FAM118A: variants seen among roughly 807,000 people sequenced by gnomAD.
The protein encoded by FAM118A is SIR2 antiphage like 2.
In FAM118A, 25 loss-of-function variants were observed where a neutral mutation model predicts 38.2. The observed-to-expected ratio is 0.65, with a 90% CI of 0.48 to 0.91. The LOEUF (loss-of-function observed/expected upper bound fraction) is 0.91, where lower values mean the gene tolerates loss of function less well. FAM118A is among the 40% of genes least tolerant of loss of function. The pLI is 0.00. For synonymous variants in FAM118A, 178 were observed against 184.1 expected (o/e 0.97, Z 0.27); for missense variants, 425 against 463.3 (o/e 0.92, Z 0.76).
intron 3 of FAM118A, among the ~76,000 whole-genome samples, chr22:45,324,428 G>T (rs1199613813): frequency 6.6e-6 from 1 of 152,172 alleles, no homozygotes; most frequent in Non-Finnish European, 1.5e-5. Context: ...GAAGTGGGGG[G>T]CTTCAAGGGC....
At chr22:45,326,624 T>A (rs2085285820) in intron 3 of FAM118A, among the ~76,000 whole-genome samples, 3 of 151,700 alleles carry the variant, frequency 2.0e-5, no homozygotes. Flanking sequence ...GTCAGGAGTT[T>A]GAGACCAGCC....
Position 45,323,412 on chromosome 22 carries a change from C to G in FAM118A, c.285C>G (p.Ile95Met). The G allele has an allele frequency of 6.2e-7, 1 of 1,613,394 alleles. No homozygotes were observed. The highest frequency in any genetic ancestry group is 8.5e-7 in the Non-Finnish European group (1 of 1,179,412). ...RDLLVVAHDL[I>M]RKMSPRTGDA... The stretch of plus-strand genomic sequence containing the variant: ...TGTTGGTTGTCGCCCATGATCTGAT[C>G]CGGAAGATGTCACCTGTAAGTGTCA... The change falls in exon 3 of 9, where the codon ATC (isoleucine) becomes ATG (methionine). Residue 95 changes from isoleucine (I) to methionine (M), a missense_variant. Physicochemically the swap from Ile to Met is conservative, Grantham distance 10. Transcript: ENST00000441876.
chr22:45,322,009 A>T, intron 1 of FAM118A: 1 of 355,674 alleles, frequency 2.8e-6, no homozygotes, highest in South Asian at 2.4e-5. Context: ...CTGATAAGTC[A>T]TCTGTGTTCA....
At chr22:45,330,146 A>T (rs943998372) in intron 4 of FAM118A, among the ~76,000 whole-genome samples, 1 of 152,260 alleles carries the variant, frequency 6.6e-6, no homozygotes, top group Non-Finnish European at 1.5e-5. Flanking sequence ...CACTCTTAAC[A>T]GTTTGCTGTA....
intron 8 of FAM118A, among the ~76,000 whole-genome samples, chr22:45,337,567 C>T (rs970151740): frequency 6.6e-6 from 1 of 152,094 alleles, no homozygotes. Flanking sequence ...TAAATGTATG[C>T]ACTCCCTCAG....
At position 45,324,818 on chromosome 22, in the gene FAM118A, A is replaced by G. The variant is rs550438036; in HGVS notation, c.300+1391A>G. ...TCCCAGCACTTTGGGAGGCCGAGGC[A>G]GGCAGATCACCTGAGGTCAGGAGTT... On this transcript the variant is annotated intron_variant, in intron 3 of 8. Transcript: ENST00000441876. 8.3e-3 allele frequency among the ~76,000 whole-genome samples: 1,259 copies of G among 152,284 alleles called. 20 individuals carry two copies. The highest frequency in any genetic ancestry group is 0.029 in the African/African-American group (1,217 of 41,562).
chr22:45,335,260 C>G lies in FAM118A; in HGVS notation c.938-90C>G. On this transcript the variant is annotated intron_variant, in intron 6 of 8. Transcript: ENST00000441876. The stretch of plus-strand genomic sequence containing the variant: ...CCTGCCCAGAAGCCTGTTCCCAGTC[C>G]CTGCCGTTCCCAGTCACTGCCTCAG... 5 of 1,483,966 alleles carry G rather than the reference C, an allele frequency of 3.4e-6. No homozygotes were observed. The South Asian group carries it at 5.8e-5, about 17-fold the overall frequency. The allele number at this position is 1,483,966 out of a possible 1,614,324, so 91.9% of individuals were successfully genotyped here.
chr22:45,313,554 C>T (rs911968172), intron 1 of FAM118A, among the ~76,000 whole-genome samples: 2 of 152,082 alleles, frequency 1.3e-5, no homozygotes, highest in Admixed American at 1.3e-4. Context: ...AACTCCCAAC[C>T]TCAGGTGATC....
intron 6 of FAM118A, among the ~76,000 whole-genome samples, chr22:45,334,224 A>C (rs181714507): frequency 6.6e-6 from 1 of 152,324 alleles, no homozygotes; most frequent in Admixed American, 6.5e-5. Flanking sequence ...TAAGGGAATT[A>C]ATAGCTGCGA....
chr22:45,328,720 T>G (rs1225323198), intron 4 of FAM118A: 3 of 536,204 alleles, frequency 5.6e-6, no homozygotes, highest in Non-Finnish European at 1.0e-5. Flanking sequence ...AGGGAGATGG[T>G]TGCAGTGAGC....
At chr22:45,327,326 A>G (rs1394077307) in intron 3 of FAM118A, among the ~76,000 whole-genome samples, 1 of 151,716 alleles carries the variant, frequency 6.6e-6, no homozygotes, top group Non-Finnish European at 1.5e-5. Flanking sequence ...ACCGAGAAAG[A>G]GAAAACTGGG....
At chr22:45,333,254 C>A (rs563867195) in intron 6 of FAM118A, among the ~76,000 whole-genome samples, 77 of 152,186 alleles carry the variant, frequency 5.1e-4, no homozygotes, top group African/African-American at 1.6e-3. Flanking sequence ...GGCTGGGCAC[C>A]GTGGCTCACG....
chr22:45,334,336 C>T (rs115021408), intron 6 of FAM118A, among the ~76,000 whole-genome samples: 79 of 152,280 alleles, frequency 5.2e-4, no homozygotes, highest in African/African-American at 1.3e-3. Context: ...CACACTAGAA[C>T]GAGGTTAGCC....
At chr22:45,327,415 T>TCC (rs957671765) in intron 3 of FAM118A, among the ~76,000 whole-genome samples, 65 of 152,162 alleles carry the variant, frequency 4.3e-4, no homozygotes, top group Middle Eastern at 3.4e-3. Context: ...CTGCCGACTC[T>TCC]TCCCCTCACT....
At chr22:45,313,237 C>T (rs945446998) in intron 1 of FAM118A, among the ~76,000 whole-genome samples, 9 of 151,736 alleles carry the variant, frequency 5.9e-5, no homozygotes, top group African/African-American at 1.9e-4. Context: ...AGAAATTTCC[C>T]TCTGGTGACT....
intron 2 of FAM118A, among the ~76,000 whole-genome samples, chr22:45,322,799 T>G (rs192042391): frequency 6.6e-6 from 1 of 152,334 alleles, no homozygotes; most frequent in African/African-American, 2.4e-5. Flanking sequence ...AACCAGCATT[T>G]GCCAGTAACT....
intron 5 of FAM118A, among the ~76,000 whole-genome samples, chr22:45,331,997 C>T (rs1319742130): frequency 6.6e-6 from 1 of 152,168 alleles, no homozygotes; most frequent in Non-Finnish European, 1.5e-5. Flanking sequence ...GTTTTATGTG[C>T]ATAATTCTGA....
At chr22:45,324,161 G>A (rs943007111) in intron 3 of FAM118A, among the ~76,000 whole-genome samples, 4 of 152,238 alleles carry the variant, frequency 2.6e-5, no homozygotes, top group African/African-American at 4.8e-5. Flanking sequence ...AAGTGAGCTC[G>A]TCACCAAGGA....
rs191795219 is a variant in FAM118A at position 45,328,569 on chromosome 22, C to G, written c.522+506C>G. 2.3e-4 allele frequency: 157 copies of G among 685,862 alleles called. No homozygotes were observed. In the African/African-American group the frequency reaches 2.4e-3, roughly 11 times the overall value. 42.5% of individuals were successfully genotyped at this position (685,862 alleles called of 1,614,324 possible). On this transcript the variant is annotated intron_variant, in intron 4 of 8. Coordinates refer to ENST00000441876, the MANE Select transcript of FAM118A (RefSeq NM_017911.4). Reference sequence around the variant, plus strand: ...ATTGCTTGAGCCCAGGAGTTCCAGACTGAAATGAGCTATGATCATGCCACT... The same window carrying G: ...ATTGCTTGAGCCCAGGAGTTCCAGAGTGAAATGAGCTATGATCATGCCACT...
Sources: allele counts gnomAD v4.1 joint callset (sites outside exome capture counted in the v4.1 genomes callset), GRCh38; gene constraint gnomAD v4.1.1; transcripts MANE v1.5; gene names NCBI Gene and HGNC (gene_info 2026-07-23, HGNC 2026-07-21).